Variants in UNC5C observed in about 807,000 individuals in gnomAD.
UNC5C encodes the protein netrin receptor UNC5C.
In UNC5C, 47 loss-of-function variants were observed where a neutral mutation model predicts 99.8. The observed-to-expected ratio is 0.47, with a 90% CI of 0.37 to 0.60. The LOEUF is 0.60. Ranked by LOEUF, UNC5C falls within the 20% of genes least tolerant of loss-of-function variation. The pLI is 0.00. For missense variants in UNC5C, 1,062 were observed against 1,165.9 expected, an observed-to-expected ratio of 0.91 and a Z score of 1.30; for synonymous variants, 487 against 452.2, an observed-to-expected ratio of 1.08 and a Z score of -0.98.
Position 95,195,159 on chromosome 4 carries a change from A to G in UNC5C, c.2136+7572T>C, listed in dbSNP as rs186440532. On this transcript the variant is annotated intron_variant, in intron 12 of 15. Transcript: ENST00000453304. ...TGTCTGGTGTCTATTTTGTGCCAGG[A>G]GATTTAATAACTTTGATGTCCTTAG... Among the ~76,000 whole-genome samples the G allele has an allele frequency of 2.4e-3, 362 of 152,258 alleles. 1 individual carries two copies. The highest frequency in any genetic ancestry group is 8.4e-3 in the African/African-American group (347 of 41,536).
intron 3 of UNC5C, among the ~76,000 whole-genome samples, chr4:95,298,647 T>G (rs1436058844): frequency 6.6e-6 from 1 of 152,140 alleles, no homozygotes; most frequent in Non-Finnish European, 1.5e-5. Context: ...TCCTGCTGTA[T>G]TTTTTCTTCG....
chr4:95,468,705 GA>G (rs1747874161), intron 1 of UNC5C, among the ~76,000 whole-genome samples: 1 of 152,044 alleles, frequency 6.6e-6, no homozygotes, highest in Admixed American at 6.6e-5. Flanking sequence ...TACCATAGAG[GA>G]CTATGTTTAA....
At position 95,407,805 on chromosome 4, in the gene UNC5C, G is replaced by A. The variant is rs1289266198; in HGVS notation, c.125-72174C>T. Among the ~76,000 whole-genome samples the A allele has an allele frequency of 5.9e-5, 9 of 152,298 alleles. No homozygotes were observed. The East Asian group carries it at 1.4e-3, about 23-fold the overall frequency. On this transcript the variant is annotated intron_variant, in intron 1 of 15. Coordinates refer to ENST00000453304, the MANE Select transcript of UNC5C (RefSeq NM_003728.4). ...AGGCGTTATATTACTGTATTGGGCAGCTAGGAGAGGGGAGCATATGGAATG... is the reference window on the plus strand; with the variant it reads ...AGGCGTTATATTACTGTATTGGGCAACTAGGAGAGGGGAGCATATGGAATG...
intron 1 of UNC5C, among the ~76,000 whole-genome samples, chr4:95,422,754 T>TA (rs1389600234): frequency 2.3e-3 from 351 of 152,312 alleles, no homozygotes; most frequent in African/African-American, 8.2e-3. Flanking sequence ...GTTAATACGC[T>TA]ATTCTCTTTA....
At chr4:95,355,761 G>A (rs1005627647) in intron 1 of UNC5C, among the ~76,000 whole-genome samples, 6 of 151,884 alleles carry the variant, frequency 4.0e-5, no homozygotes, top group Non-Finnish European at 8.8e-5. Context: ...TAAAAGACGA[G>A]GTTTGCTGAA....
chr4:95,393,636 C>T (rs894794532), intron 1 of UNC5C, among the ~76,000 whole-genome samples: 18 of 152,076 alleles, frequency 1.2e-4, no homozygotes, highest in African/African-American at 3.6e-4. Context: ...TTTCTATGGT[C>T]CAATTATCCA....
At chr4:95,201,840 G>C (rs547626229) in intron 12 of UNC5C, among the ~76,000 whole-genome samples, 1 of 152,036 alleles carries the variant, frequency 6.6e-6, no homozygotes, top group Non-Finnish European at 1.5e-5. Context: ...TCCTGACCTC[G>C]TGATCCACCC....
chr4:95,316,637 T>C (rs1302980500), intron 2 of UNC5C, among the ~76,000 whole-genome samples: 3 of 152,110 alleles, frequency 2.0e-5, no homozygotes, highest in East Asian at 1.9e-4. Context: ...ATGAGAAGAA[T>C]AGAACCACTG....
intron 1 of UNC5C, among the ~76,000 whole-genome samples, chr4:95,393,624 T>C (rs1361462967): frequency 6.6e-6 from 1 of 152,230 alleles, no homozygotes; most frequent in Non-Finnish European, 1.5e-5. Flanking sequence ...CTGTAGATGT[T>C]ATTTCTATGG....
At chr4:95,537,119 A>T (rs1722800803) in intron 1 of UNC5C, among the ~76,000 whole-genome samples, 1 of 152,076 alleles carries the variant, frequency 6.6e-6, no homozygotes, top group African/African-American at 2.4e-5. Context: ...GTTATGTGAG[A>T]GTTTTTTTTT....
At chr4:95,390,988 T>C (rs576768979) in intron 1 of UNC5C, among the ~76,000 whole-genome samples, 1 of 152,294 alleles carries the variant, frequency 6.6e-6, no homozygotes, top group East Asian at 1.9e-4. Context: ...GGGAGTTAAT[T>C]GAATCATGAA....
intron 7 of UNC5C, among the ~76,000 whole-genome samples, chr4:95,233,866 C>G (rs1417665727): frequency 6.6e-6 from 1 of 151,940 alleles, no homozygotes; most frequent in Non-Finnish European, 1.5e-5. Flanking sequence ...ACCCAGGAGG[C>G]AGAAGGTTGC....
intron 1 of UNC5C, among the ~76,000 whole-genome samples, chr4:95,403,915 G>T (rs1745765975): frequency 6.6e-6 from 1 of 152,182 alleles, no homozygotes; most frequent in South Asian, 2.1e-4. Flanking sequence ...AGCTACCTTG[G>T]GGGAAGGAAA....
chr4:95,369,438 G>A (rs1216371655), intron 1 of UNC5C, among the ~76,000 whole-genome samples: 1 of 151,854 alleles, frequency 6.6e-6, no homozygotes, highest in Non-Finnish European at 1.5e-5. Flanking sequence ...TGTAGTCCCA[G>A]CTACTTGGGA....
chr4:95,299,181 T>A (rs899696360), intron 3 of UNC5C, among the ~76,000 whole-genome samples: 12 of 152,226 alleles, frequency 7.9e-5, no homozygotes, highest in African/African-American at 2.9e-4. Flanking sequence ...CCCAACCCAA[T>A]CTGACTGGTG....
At chr4:95,490,929 G>A (rs1490746523) in intron 1 of UNC5C, among the ~76,000 whole-genome samples, 2 of 151,548 alleles carry the variant, frequency 1.3e-5, no homozygotes. Context: ...ATTCTATATA[G>A]TTCCTGTTTT....
At position 95,461,222 on chromosome 4, in the gene UNC5C, G is replaced by A. The variant is rs77613129; in HGVS notation, c.124+87512C>T. ...CTTTTTCCTCCAAGGATAGTGCAAG[G>A]CATGCAATGTATAATAATTCACTTA... is the stretch of plus-strand genomic sequence containing the variant. On this transcript the variant is annotated intron_variant, in intron 1 of 15. Transcript: ENST00000453304. 3.6e-3 allele frequency among the ~76,000 whole-genome samples: 551 copies of A among 152,216 alleles called. 3 individuals are homozygous for A. The highest frequency in any genetic ancestry group is 0.013 in the African/African-American group (521 of 41,538).
chr4:95,415,624 T>C (rs1051467986), intron 1 of UNC5C, among the ~76,000 whole-genome samples: 1 of 152,190 alleles, frequency 6.6e-6, no homozygotes, highest in Admixed American at 6.5e-5. Flanking sequence ...TTTTCGTAAG[T>C]TTGATGACTC....
At chr4:95,448,790 C>G (rs922423619) in intron 1 of UNC5C, among the ~76,000 whole-genome samples, 11 of 152,210 alleles carry the variant, frequency 7.2e-5, no homozygotes, top group South Asian at 4.1e-4. Context: ...TGGATACACT[C>G]TCTTTCGAGA....
Sources: gnomAD v4.1 joint callset for allele counts (sites outside exome capture counted in the v4.1 genomes callset) on GRCh38, gnomAD v4.1.1 for gene constraint, MANE v1.5 for transcripts, NCBI Gene and HGNC (gene_info 2026-07-23, HGNC 2026-07-21) for gene names.